Variants in EPB41 observed in about 807,000 individuals in gnomAD.
EPB41 encodes protein 4.1.
A neutral mutation model predicts 108.0 loss-of-function variants in EPB41; 65 were observed. That is an observed-to-expected ratio of 0.60 (90% CI 0.49 to 0.74). The LOEUF (loss-of-function observed/expected upper bound fraction) is 0.74. Ranked by LOEUF, EPB41 falls within the 30% of genes least tolerant of loss-of-function variation. EPB41 has a pLI of 0.00. For synonymous variants in EPB41, 336 were observed against 358.9 expected (o/e 0.94, Z 0.72); for missense variants, 875 against 1,037.0 (o/e 0.84, Z 2.15).
At chr1:28,909,236 T>C (rs1004873531) in intron 1 of EPB41, among the ~76,000 whole-genome samples, 50 of 151,910 alleles carry the variant, frequency 3.3e-4, no homozygotes, top group Non-Finnish European at 2.8e-4. Flanking sequence ...CATATGAAAT[T>C]GTTCACATTT....
intron 4 of EPB41, among the ~76,000 whole-genome samples, chr1:29,010,970 GGGCAT>G (rs2096489107): frequency 6.6e-6 from 1 of 151,972 alleles, no homozygotes; most frequent in South Asian, 2.1e-4. Context: ...AAAATTAGCT[GGGCAT>G]GGCATGGTGG....
intron 1 of EPB41, among the ~76,000 whole-genome samples, chr1:28,952,680 A>G (rs1557794094): frequency 1.3e-5 from 2 of 152,202 alleles, no homozygotes; most frequent in Admixed American, 1.3e-4. Flanking sequence ...TACTGTAACC[A>G]CAATGATGGT....
In EPB41 at chr1:28,968,617, C is replaced by T. The variant is rs372109102; in HGVS notation, c.-7-18814C>T. ...AACTGTGAAATGTATTAGGTTGATG[C>T]AAAAGTAATTGCAGTTTTTGCCGTT... On this transcript the variant is annotated intron_variant, in intron 1 of 20. Coordinates refer to ENST00000343067, the MANE Select transcript of EPB41 (RefSeq NM_001376013.1). Among the ~76,000 whole-genome samples the T allele has an allele frequency of 5.7e-4, 87 of 152,104 alleles. 1 individual carries two copies. The South Asian group carries it at 0.018, about 31-fold the overall frequency.
At chr1:29,087,990 A>G (rs948132607) in intron 16 of EPB41, among the ~76,000 whole-genome samples, 9 of 151,276 alleles carry the variant, frequency 5.9e-5, no homozygotes, top group South Asian at 2.1e-4. Context: ...AGTACTTTAT[A>G]TATATAGGCA....
In EPB41 at chr1:29,049,162, T is replaced by C. The variant is rs534363862; in HGVS notation, c.1637-3942T>C. 2.0e-5 allele frequency among the ~76,000 whole-genome samples: 3 copies of C among 152,328 alleles called. No homozygotes were observed. The South Asian group carries it at 6.2e-4, about 32-fold the overall frequency. ...TCACCAGCTGGAGTACCAAAACTGG[T>C]TCAGATCCCAGTTTTATGATAGAGT... On this transcript the variant is annotated intron_variant, in intron 11 of 20. Transcript: ENST00000343067.
At chr1:29,047,415 A>T (rs1573036814) in intron 11 of EPB41, among the ~76,000 whole-genome samples, 2 of 126,476 alleles carry the variant, frequency 1.6e-5, no homozygotes, top group African/African-American at 5.9e-5. Context: ...GCGCCTGGCT[A>T]ATTTTTTTTT....
chr1:29,089,534 A>G (rs1015848391), intron 16 of EPB41, among the ~76,000 whole-genome samples: 7 of 152,356 alleles, frequency 4.6e-5, no homozygotes, highest in African/African-American at 1.4e-4. Context: ...AATGGGAACC[A>G]AAGAGGACTG....
intron 1 of EPB41, among the ~76,000 whole-genome samples, chr1:28,925,206 G>A (rs373684128): frequency 5.9e-5 from 9 of 151,976 alleles, no homozygotes; most frequent in African/African-American, 1.9e-4. Context: ...CTTGTGATCC[G>A]CCCACCTCGG....
intron 1 of EPB41, among the ~76,000 whole-genome samples, chr1:28,900,983 G>A (rs1392676017): frequency 6.6e-6 from 1 of 152,110 alleles, no homozygotes; most frequent in Non-Finnish European, 1.5e-5. Context: ...AGGCTGGAGT[G>A]CAGTGGCGAG....
At chr1:28,935,185 C>T (rs1033885416) in intron 1 of EPB41, among the ~76,000 whole-genome samples, 1 of 151,950 alleles carries the variant, frequency 6.6e-6, no homozygotes, top group Non-Finnish European at 1.5e-5. Flanking sequence ...AATCCAAGCA[C>T]TTTGGGAGGA....
chr1:29,004,062 C>G (rs1328405038), intron 4 of EPB41, among the ~76,000 whole-genome samples: 3 of 152,178 alleles, frequency 2.0e-5, no homozygotes, highest in Admixed American at 1.3e-4. Flanking sequence ...GCGCCCAGCC[C>G]AGAAGCAAAC....
chr1:28,936,477 A>G lies in EPB41; in HGVS notation c.-8+21709A>G, dbSNP rs150837441. 4.3e-3 allele frequency among the ~76,000 whole-genome samples: 656 copies of G among 152,316 alleles called. 7 individuals carry two copies. The highest frequency in any genetic ancestry group is 0.013 in the South Asian group (63 of 4,828). ...ATGTACAATTCAGTGGTCTTTTAGT[A>G]TATTCATCATTACCACTATTTCAGT... On this transcript the variant is annotated intron_variant, in intron 1 of 20. Transcript: ENST00000343067.
intron 16 of EPB41, among the ~76,000 whole-genome samples, chr1:29,077,567 G>T (rs1490660627): frequency 6.6e-6 from 1 of 152,162 alleles, no homozygotes; most frequent in African/African-American, 2.4e-5. Flanking sequence ...ACATTGCAGA[G>T]AGCAATTTGA....
intron 16 of EPB41, chr1:29,069,031 T>A (rs1173428581): frequency 5.1e-6 from 4 of 789,024 alleles, no homozygotes; most frequent in Admixed American, 4.3e-5. Context: ...GATATAAATA[T>A]GTTTTCAGAG....
intron 1 of EPB41, among the ~76,000 whole-genome samples, chr1:28,987,069 C>A (rs956075386): frequency 5.3e-5 from 8 of 152,030 alleles, no homozygotes; most frequent in African/African-American, 1.9e-4. Flanking sequence ...AGATTGATAC[C>A]CTCAAAGGAC....
chr1:29,010,732 G>A (rs2096486052), intron 4 of EPB41, among the ~76,000 whole-genome samples: 1 of 152,128 alleles, frequency 6.6e-6, no homozygotes, highest in Non-Finnish European at 1.5e-5. Flanking sequence ...AGATTGGCGT[G>A]GGCAAGAGTA....
rs531565361 is a variant in EPB41 at position 29,115,453 on chromosome 1, C to G, written c.2497-246C>G. 6.6e-6 allele frequency among the ~76,000 whole-genome samples: 1 copy of G among 152,036 alleles called. No individual in the cohort carries two copies. The highest frequency in any genetic ancestry group is 2.4e-5 in the African/African-American group (1 of 41,418). On this transcript the variant is annotated intron_variant, in intron 19 of 20. Transcript: ENST00000343067. This position sits in a 1 kb window ranked among gnomAD's most constrained non-coding sequence, Gnocchi z 4.4. The stretch of plus-strand genomic sequence containing the variant: ...ATATAACAGATACAGCTATGACCCC[C>G]GAAGTCCCTCTCCAGTTCCTAGAAG...
chr1:28,911,923 C>T (rs977599626), upstream of EPB41, among the ~76,000 whole-genome samples: 1 of 152,086 alleles, frequency 6.6e-6, no homozygotes, highest in Non-Finnish European at 1.5e-5. Flanking sequence ...TGCCTGTAAT[C>T]CCAGCTACTC....
At chr1:29,024,608 G>C (rs2096695059) in intron 7 of EPB41, among the ~76,000 whole-genome samples, 2 of 151,834 alleles carry the variant, frequency 1.3e-5, no homozygotes, top group Non-Finnish European at 2.9e-5. Context: ...ACCCCAGCTG[G>C]GCGACAGAGC....
Sources: gnomAD v4.1 joint callset for allele counts (sites outside exome capture counted in the v4.1 genomes callset) on GRCh38, gnomAD v4.1.1 for gene constraint, Gnocchi (gnomAD v3.1) non-coding constraint, MANE v1.5 for transcripts, NCBI Gene and HGNC (gene_info 2026-07-23, HGNC 2026-07-21) for gene names.